Variants in SLC9C1 observed in about 807,000 individuals in gnomAD.
SLC9C1 encodes sodium/hydrogen exchanger 10.
In SLC9C1, 97 loss-of-function variants were observed where a neutral mutation model predicts 140.9. The observed-to-expected ratio is 0.69, with a 90% CI of 0.58 to 0.82. The LOEUF (loss-of-function observed/expected upper bound fraction) is 0.82. SLC9C1 is among the 40% of genes least tolerant of loss of function. The pLI is 0.00. For missense variants in SLC9C1, 1,340 were observed against 1,389.3 expected (o/e 0.96, Z 0.56); for synonymous variants, 440 against 442.6 (o/e 0.99, Z 0.07).
intron 20 of SLC9C1, among the ~76,000 whole-genome samples, chr3:112,196,964 A>C (rs2108016173): frequency 6.6e-6 from 1 of 152,120 alleles, no homozygotes; most frequent in South Asian, 2.1e-4. Context: ...ATTTAAAAAA[A>C]AAAAACTGAA....
intron 15 of SLC9C1, among the ~76,000 whole-genome samples, chr3:112,209,729 C>A (rs2078151215): frequency 6.6e-6 from 1 of 151,944 alleles, no homozygotes; most frequent in South Asian, 2.1e-4. Context: ...ATTATGAAAA[C>A]AATTATATTT....
At chr3:112,211,257 C>G (rs975099046) in intron 15 of SLC9C1, among the ~76,000 whole-genome samples, 1 of 152,192 alleles carries the variant, frequency 6.6e-6, no homozygotes, top group African/African-American at 2.4e-5. Flanking sequence ...AGGAACAGCT[C>G]CAGTCTACAG....
intron 10 of SLC9C1, among the ~76,000 whole-genome samples, chr3:112,248,942 CT>C (rs1217209793): frequency 6.6e-6 from 1 of 152,064 alleles, no homozygotes; most frequent in East Asian, 1.9e-4. Context: ...CCTTTTATTT[CT>C]TTCTCTTGCC....
intron 20 of SLC9C1, chr3:112,185,416 A>G: frequency 8.2e-7 from 1 of 1,214,378 alleles, no homozygotes; most frequent in Non-Finnish European, 1.2e-6. Flanking sequence ...AGAGGCACTC[A>G]GGGGTGGGGG....
intron 23 of SLC9C1, among the ~76,000 whole-genome samples, chr3:112,176,877 GT>G (rs1385620637): frequency 1.3e-5 from 2 of 152,028 alleles, no homozygotes; most frequent in Non-Finnish European, 2.9e-5. Flanking sequence ...CTTCTTCTAG[GT>G]CATGATTCTT....
intron 10 of SLC9C1, among the ~76,000 whole-genome samples, chr3:112,250,797 A>G (rs1486677039): frequency 3.9e-5 from 6 of 152,170 alleles, no homozygotes; most frequent in Non-Finnish European, 8.8e-5. Context: ...TGCTGGTGGG[A>G]ATGTAAATTA....
intron 8 of SLC9C1, among the ~76,000 whole-genome samples, chr3:112,264,602 G>C (rs184537468): frequency 6.6e-6 from 1 of 152,000 alleles, no homozygotes; most frequent in East Asian, 1.9e-4. Flanking sequence ...ATAAATTTTA[G>C]TCTCAGTATG....
intron 28 of SLC9C1, among the ~76,000 whole-genome samples, chr3:112,150,840 A>AAATACACATATATATATATATATATATT (rs2074951631): frequency 1.7e-5 from 1 of 57,320 alleles, no homozygotes; most frequent in Admixed American, 2.4e-4. Flanking sequence ...ATATATATAT[A>AAATACACATATATATATATATATATATT]TTTTTTTTTT....
chr3:112,203,534 AGTTTT>A (rs1331031833), intron 17 of SLC9C1, among the ~76,000 whole-genome samples: 16 of 144,514 alleles, frequency 1.1e-4, no homozygotes, highest in Non-Finnish European at 1.5e-5. Flanking sequence ...AGATTCTATT[AGTTTT>A]ATCTCCATAC....
chr3:112,160,483 T>C (rs1254509818), intron 26 of SLC9C1, among the ~76,000 whole-genome samples: 1 of 148,146 alleles, frequency 6.8e-6, no homozygotes, highest in Non-Finnish European at 1.5e-5. Context: ...TGTGATCTCA[T>C]TTTTCAATTC....
At chr3:112,176,910 T>C (rs1011704646) in intron 23 of SLC9C1, among the ~76,000 whole-genome samples, 1 of 152,064 alleles carries the variant, frequency 6.6e-6, no homozygotes, top group African/African-American at 2.4e-5. Flanking sequence ...CTATTCTTTC[T>C]GGTCTCTCAG....
chr3:112,199,325 T>C lies in SLC9C1; in HGVS notation c.2519A>G (p.Asn840Ser), dbSNP rs764542610. 1 of 1,564,420 alleles carries C rather than the reference T, an allele frequency of 6.4e-7. No individual in the cohort carries two copies. The change falls in exon 20 of 29, where the codon AAT becomes AGT. Residue 840 changes from asparagine (N) to serine (S), a missense_variant. Transcript: ENST00000305815. ...TTTGAAAATATTTTGCCTTACCTTA[T>C]TAATTCCAGCACCTTCAGTTTTACT... ...IISKTEGAGI[N>S]KLIMAKKKEV... is the part of the protein sequence containing the mutation.
chr3:112,172,146 C>T (rs186001498), intron 23 of SLC9C1, among the ~76,000 whole-genome samples: 6 of 152,196 alleles, frequency 3.9e-5, no homozygotes, highest in Admixed American at 3.9e-4. Flanking sequence ...TGTATTAAAT[C>T]TATAGATCAA....
At chr3:112,271,823 C>G (rs1384259774) in intron 6 of SLC9C1, among the ~76,000 whole-genome samples, 3 of 152,064 alleles carry the variant, frequency 2.0e-5, no homozygotes, top group Non-Finnish European at 4.4e-5. Context: ...AGTGACTGAT[C>G]GCTTCCTTAT....
chr3:112,211,873 CG>C (rs2078216797), intron 15 of SLC9C1, among the ~76,000 whole-genome samples: 1 of 152,208 alleles, frequency 6.6e-6, no homozygotes, highest in African/African-American at 2.4e-5. Context: ...TCTCCCAGCA[CG>C]GAGTCTGAGA....
chr3:112,285,681 A>G (rs774958638), intron 2 of SLC9C1, among the ~76,000 whole-genome samples: 1 of 152,236 alleles, frequency 6.6e-6, no homozygotes, highest in Admixed American at 6.5e-5. Flanking sequence ...GGGAGTCCGC[A>G]TATTTAACCA....
At chr3:112,166,672 T>C (rs2077143320) in intron 26 of SLC9C1, among the ~76,000 whole-genome samples, 1 of 151,948 alleles carries the variant, frequency 6.6e-6, no homozygotes, top group Admixed American at 6.6e-5. Flanking sequence ...AATTAAATTC[T>C]ATTATTATTA....
At chr3:112,281,585 T>G (rs2080357752) in intron 2 of SLC9C1, among the ~76,000 whole-genome samples, 1 of 152,212 alleles carries the variant, frequency 6.6e-6, no homozygotes, top group Non-Finnish European at 1.5e-5. Flanking sequence ...AAAAGATGCA[T>G]GGGTCTTAGA....
At position 112,221,127 on chromosome 3, in the gene SLC9C1, C is replaced by A. The variant is rs146664280; in HGVS notation, c.1670+1G>T. 3.1e-5 allele frequency: 50 copies of A among 1,611,398 alleles called. No individual in the cohort carries two copies. The highest frequency in any genetic ancestry group is 4.2e-5 in the Non-Finnish European group (49 of 1,177,928). Reference sequence around the variant, plus strand: ...AAGCCATCTCTTGAGAATATACTTACTTTCCCTTCTTCTCACCAAAACTTT... The same window carrying A: ...AAGCCATCTCTTGAGAATATACTTAATTTCCCTTCTTCTCACCAAAACTTT... On this transcript the variant is annotated splice_donor_variant, in intron 14 of 28. Transcript: ENST00000305815. LOFTEE classifies it high-confidence loss of function.
Sources: allele counts gnomAD v4.1 joint callset (sites outside exome capture counted in the v4.1 genomes callset), GRCh38; gene constraint gnomAD v4.1.1; transcripts MANE v1.5; gene names NCBI Gene and HGNC (gene_info 2026-07-23, HGNC 2026-07-21).